The following LRRTM3 variants were observed in gnomAD, a reference collection of about 807,000 sequenced individuals.
LRRTM3 encodes the protein leucine-rich repeat transmembrane neuronal protein 3.
In LRRTM3, 24 loss-of-function variants were observed where a neutral mutation model predicts 44.7. The observed-to-expected ratio is 0.54, with a 90% CI of 0.39 to 0.76. LRRTM3 has a LOEUF of 0.76. LRRTM3 is among the 30% of genes least tolerant of loss of function. LRRTM3 has a pLI of 0.00. For missense variants in LRRTM3, 587 were observed against 702.2 expected (o/e 0.84, Z 1.85); for synonymous variants, 277 against 278.7 (o/e 0.99, Z 0.06).
chr10:66,960,919 G>GT (rs1449221595), intron 2 of LRRTM3, among the ~76,000 whole-genome samples: 4 of 152,188 alleles, frequency 2.6e-5, no homozygotes, highest in East Asian at 3.9e-4. Flanking sequence ...TGGTTCTTAA[G>GT]TTTTTTTGCT....
intron 2 of LRRTM3, among the ~76,000 whole-genome samples, chr10:67,022,077 C>T (rs1319043018): frequency 6.6e-6 from 1 of 152,144 alleles, no homozygotes; most frequent in African/African-American, 2.4e-5. Flanking sequence ...AGTGCTAAGA[C>T]AGGAACTTGG....
intron 2 of LRRTM3, among the ~76,000 whole-genome samples, chr10:67,002,347 T>C (rs1286967680): frequency 6.6e-6 from 1 of 152,170 alleles, no homozygotes; most frequent in Non-Finnish European, 1.5e-5. Flanking sequence ...GTGCAAGTCA[T>C]CTAGGATCAT....
At chr10:67,042,156 T>C (rs1199845358) in intron 2 of LRRTM3, among the ~76,000 whole-genome samples, 1 of 152,120 alleles carries the variant, frequency 6.6e-6, no homozygotes, top group Non-Finnish European at 1.5e-5. Flanking sequence ...TAAAATGTGT[T>C]TTATGTATAC....
Position 66,980,632 on chromosome 10 carries a change from T to C in LRRTM3, c.1536+52180T>C, listed in dbSNP as rs115546975. Reference sequence around the variant, plus strand: ...CAGATGGCCCTACAGTTAATGAGATTCTTGCAAGCCCGCAATTCTGTTGAA... The same window carrying C: ...CAGATGGCCCTACAGTTAATGAGATCCTTGCAAGCCCGCAATTCTGTTGAA... On this transcript the variant is annotated intron_variant, in intron 2 of 2. Coordinates refer to ENST00000361320, the MANE Select transcript of LRRTM3 (RefSeq NM_178011.5). Among the ~76,000 whole-genome samples, 1,376 of 152,230 alleles carry C rather than the reference T, an allele frequency of 9.0e-3. 17 individuals carry two copies. Among genetic ancestry groups the C allele is most frequent in the African/African-American group, 0.032 (1,316 of 41,504 alleles).
At chr10:66,989,415 T>C (rs910937154) in intron 2 of LRRTM3, among the ~76,000 whole-genome samples, 1 of 152,196 alleles carries the variant, frequency 6.6e-6, no homozygotes, top group Non-Finnish European at 1.5e-5. Context: ...TATTTGTAGG[T>C]ATAACAGAAT....
At chr10:67,038,677 C>T (rs1854212954) in intron 2 of LRRTM3, among the ~76,000 whole-genome samples, 1 of 152,004 alleles carries the variant, frequency 6.6e-6, no homozygotes, top group Admixed American at 6.6e-5. Flanking sequence ...ACAAAATTTT[C>T]CTATCAATTC....
chr10:67,063,654 C>T (rs890277635), intron 2 of LRRTM3, among the ~76,000 whole-genome samples: 1 of 152,258 alleles, frequency 6.6e-6, no homozygotes, highest in East Asian at 1.9e-4. Flanking sequence ...AGTGCTCTTT[C>T]GAGAATAAAT....
At chr10:67,080,932 AC>A (rs1408181167) in intron 2 of LRRTM3, among the ~76,000 whole-genome samples, 7 of 35,222 alleles carry the variant, frequency 2.0e-4, no homozygotes, top group Non-Finnish European at 3.0e-4. Context: ...AAACAAAAAA[AC>A]AACAAAAAAA....
intron 2 of LRRTM3, among the ~76,000 whole-genome samples, chr10:67,019,375 C>T (rs1455951842): frequency 1.3e-5 from 2 of 152,066 alleles, no homozygotes; most frequent in South Asian, 2.1e-4. Context: ...TGTGCCACCA[C>T]GCCAGGCTAA....
intron 2 of LRRTM3, among the ~76,000 whole-genome samples, chr10:67,063,060 A>G (rs764789496): frequency 1.3e-5 from 2 of 152,110 alleles, no homozygotes; most frequent in Non-Finnish European, 2.9e-5. Flanking sequence ...GACTTGAAAT[A>G]TTAAGTGTGA....
At chr10:66,980,201 C>A (rs987783109) in intron 2 of LRRTM3, among the ~76,000 whole-genome samples, 1 of 152,150 alleles carries the variant, frequency 6.6e-6, no homozygotes, top group Admixed American at 6.6e-5. Flanking sequence ...CTACGGCAGT[C>A]AATAACCAGT....
At chr10:66,942,602 G>A (rs920535344) in intron 2 of LRRTM3, among the ~76,000 whole-genome samples, 16 of 151,560 alleles carry the variant, frequency 1.1e-4, no homozygotes, top group Non-Finnish European at 2.4e-4. Flanking sequence ...GTGTGTGTGT[G>A]TCTGCGTGTG....
intron 2 of LRRTM3, among the ~76,000 whole-genome samples, chr10:67,081,702 C>A (rs1164502420): frequency 1.3e-5 from 2 of 152,216 alleles, no homozygotes; most frequent in East Asian, 3.9e-4. Context: ...TCTCCTGGAC[C>A]AGCTATGCTG....
At chr10:67,088,934 A>G (rs1054937249) in intron 2 of LRRTM3, among the ~76,000 whole-genome samples, 93 of 152,210 alleles carry the variant, frequency 6.1e-4, no homozygotes, top group African/African-American at 2.2e-3. Context: ...ATAAAAAATA[A>G]CAATACAATT....
intron 2 of LRRTM3, among the ~76,000 whole-genome samples, chr10:67,093,096 G>GT (rs1857753490): frequency 6.6e-6 from 1 of 151,940 alleles, no homozygotes; most frequent in Non-Finnish European, 1.5e-5. Flanking sequence ...ATAAACAGGA[G>GT]TTTAGCAGGG....
At chr10:66,992,587 A>C (rs1042721880) in intron 2 of LRRTM3, among the ~76,000 whole-genome samples, 4 of 151,948 alleles carry the variant, frequency 2.6e-5, no homozygotes, top group African/African-American at 9.7e-5. Flanking sequence ...TAAATGTATC[A>C]GTCTTTTCAT....
intron 2 of LRRTM3, among the ~76,000 whole-genome samples, chr10:67,038,333 A>G (rs1252007818): frequency 6.6e-6 from 1 of 152,064 alleles, no homozygotes; most frequent in African/African-American, 2.4e-5. Flanking sequence ...TGCTTTTAAT[A>G]TTTTAGTTTA....
chr10:67,002,724 A>C (rs1208495447), intron 2 of LRRTM3, among the ~76,000 whole-genome samples: 2 of 152,050 alleles, frequency 1.3e-5, no homozygotes, highest in Non-Finnish European at 2.9e-5. Flanking sequence ...CTAAGTTACC[A>C]AGCAGAATTT....
chr10:67,075,141 G>A (rs1856680138), intron 2 of LRRTM3, among the ~76,000 whole-genome samples: 1 of 148,734 alleles, frequency 6.7e-6, no homozygotes, highest in South Asian at 2.1e-4. Context: ...TACAAATTTG[G>A]TTGTTTTGTG....
Sources: allele counts gnomAD v4.1 joint callset (sites outside exome capture counted in the v4.1 genomes callset), GRCh38; gene constraint gnomAD v4.1.1; transcripts MANE v1.5; gene names NCBI Gene and HGNC (gene_info 2026-07-23, HGNC 2026-07-21).